The following PABPC4 variants were observed in gnomAD, a reference collection of about 807,000 sequenced individuals.
PABPC4 encodes polyadenylate-binding protein 4.
A neutral mutation model predicts 74.5 loss-of-function variants in PABPC4; 15 were observed. That is an observed-to-expected ratio of 0.20 (90% CI 0.13 to 0.31). The LOEUF (loss-of-function observed/expected upper bound fraction) is 0.31, where lower values mean the gene tolerates loss of function less well. PABPC4 is among the 10% of genes least tolerant of loss of function. PABPC4 has a pLI of 1.00. For missense variants in PABPC4, 610 were observed against 853.5 expected (o/e 0.71, Z 3.55); for synonymous variants, 345 against 303.0 (o/e 1.14, Z -1.44).
rs990568994 is a variant in PABPC4, at chr1:39,560,947, C to A, written c.*189G>T. ...ACACTGTCTGGGCCACAGCAGAACCCAAAGAACATATTCGTATAATTGAAA... is the reference window on the plus strand; with the variant it reads ...ACACTGTCTGGGCCACAGCAGAACCAAAAGAACATATTCGTATAATTGAAA... On this transcript the variant is annotated 3_prime_UTR_variant, in exon 16 of 16. Coordinates refer to ENST00000372858, the MANE Select transcript of PABPC4 (RefSeq NM_001135653.2). 2.7e-5 allele frequency: 8 copies of A among 295,820 alleles called. No homozygotes were observed. The highest frequency in any genetic ancestry group is 4.2e-5 in the Non-Finnish European group (6 of 141,994). 18.3% of individuals were successfully genotyped at this position (295,820 alleles called of 1,614,324 possible). A position where few individuals can be genotyped will look rare whatever the true frequency, so the allele number is the denominator to read the frequency against.
At chr1:39,574,670 C>T (rs1348270226) in intron 1 of PABPC4, among the ~76,000 whole-genome samples, 1 of 152,232 alleles carries the variant, frequency 6.6e-6, no homozygotes, top group Non-Finnish European at 1.5e-5. Flanking sequence ...TGGTCTCAGC[C>T]GCAACCTGGG....
chr1:39,569,057 C>T lies in PABPC4; in HGVS notation c.739-118G>A, dbSNP rs570059585. The T allele has an allele frequency of 5.7e-6, 6 of 1,050,858 alleles. No homozygotes were observed. In the South Asian group the frequency reaches 6.3e-5, roughly 11 times the overall value. 65.1% of individuals were successfully genotyped at this position (1,050,858 alleles called of 1,614,324 possible). A position where few individuals can be genotyped will look rare whatever the true frequency, so the allele number is the denominator to read the frequency against. The stretch of plus-strand genomic sequence containing the variant: ...GGACTAAAAACTAAATTCACTCCAC[C>T]TCTGAAGTCTGTCACACAAATCCAA... On this transcript the variant is annotated intron_variant, in intron 5 of 15. Transcript: ENST00000372858.
At chr1:39,565,039 C>A in intron 8 of PABPC4, 67 bp downstream of exon 8, 1 of 1,547,244 alleles carries the variant, frequency 6.5e-7, no homozygotes, top group Non-Finnish European at 8.9e-7. Context: ...AAATCCCTCT[C>A]CCCAACCACT....
Position 39,564,670 on chromosome 1 carries a change from G to C in PABPC4, c.1333+16C>G, listed in dbSNP as rs375399915. On this transcript the variant is annotated intron_variant, in intron 9 of 15. Transcript: ENST00000372858. ...GGTATATCCTGGGCTGTCAATTACT[G>C]TTCCCCACCACCTACCTTGAGGTCT... 2 of 1,612,964 alleles carry C rather than the reference G, an allele frequency of 1.2e-6. No homozygotes were observed. Among genetic ancestry groups the C allele is most frequent in the Non-Finnish European group, 1.7e-6 (2 of 1,178,976 alleles).
chr1:39,566,882 T>C (rs1266089893), intron 7 of PABPC4, among the ~76,000 whole-genome samples: 1 of 152,222 alleles, frequency 6.6e-6, no homozygotes. Flanking sequence ...AGTTGGCCTC[T>C]GGCCAACTCC....
chr1:39,568,095 A>C, intron 6 of PABPC4: 1 of 295,064 alleles, frequency 3.4e-6, no homozygotes, highest in Non-Finnish European at 6.3e-6. Context: ...GTCTCTACTA[A>C]AAATACAAAA....
intron 1 of PABPC4, among the ~76,000 whole-genome samples, chr1:39,575,551 G>A (rs534026648): frequency 6.6e-6 from 1 of 152,280 alleles, no homozygotes; most frequent in Non-Finnish European, 1.5e-5. Context: ...AGTAGCCCAA[G>A]GTCACCCAGT....
In PABPC4 at chr1:39,575,953, T is replaced by TCCCCCCCCCCCCCCACC; in HGVS notation, c.-3_-2insGGTGGGGGGGGGGGGGG. 6.4e-7 allele frequency: 1 copy of TCCCCCCCCCCCCCCACC among 1,559,076 alleles called. No individual in the cohort carries two copies. The highest frequency in any genetic ancestry group is 8.7e-7 in the Non-Finnish European group (1 of 1,149,568). ...GTAGCTGCTGGCCGCAGCGTTCATC[T>TCCCCCCCCCCCCCCACC]CCCCGCCCCCCACCACCCCGAGCCC... On this transcript the variant is annotated 5_prime_UTR_variant, in exon 1 of 16. Transcript: ENST00000372858.
Position 39,564,407 on chromosome 1 carries a change from A to C in PABPC4, c.1453+16T>G, listed in dbSNP as rs778601481. Reference sequence around the variant, plus strand: ...CCTCCTCCCCAGGCCACACTTCTAAAGGCCAGTTTGCTCACCGACTCTCTG... The same window carrying C: ...CCTCCTCCCCAGGCCACACTTCTAACGGCCAGTTTGCTCACCGACTCTCTG... On this transcript the variant is annotated intron_variant, in intron 10 of 15. Coordinates refer to ENST00000372858, the MANE Select transcript of PABPC4 (RefSeq NM_001135653.2). 3.1e-6 allele frequency: 5 copies of C among 1,612,480 alleles called. No homozygotes were observed. Among genetic ancestry groups the C allele is most frequent in the East Asian group, 2.2e-5 (1 of 44,850 alleles).
chr1:39,574,291 G>A (rs1363240026), intron 1 of PABPC4, among the ~76,000 whole-genome samples: 1 of 152,086 alleles, frequency 6.6e-6, no homozygotes, highest in Non-Finnish European at 1.5e-5. Flanking sequence ...AGCTGGGATC[G>A]CAAACTATTT....
At chr1:39,570,152 C>G in intron 3 of PABPC4, 150 bp from the exon 4 acceptor site, 1 of 747,002 alleles carries the variant, frequency 1.3e-6, no homozygotes. Context: ...TACCCCAAGT[C>G]CCCAGCAGAA....
At chr1:39,564,141 C>T in intron 10 of PABPC4, 1 of 612,700 alleles carries the variant, frequency 1.6e-6, no homozygotes, top group South Asian at 2.0e-5. Context: ...CCTCACCCCA[C>T]CCAAAAGAAC....
Position 39,561,687 on chromosome 1 carries a change from T to C in PABPC4, c.*11A>G, listed in dbSNP as rs1213970265. 5.6e-6 allele frequency: 9 copies of C among 1,607,240 alleles called. No individual in the cohort carries two copies. The highest frequency in any genetic ancestry group is 1.7e-5 in the Admixed American group (1 of 59,876). On this transcript the variant is annotated splice_region_variant and 3_prime_UTR_variant, in exon 15 of 16. Coordinates refer to ENST00000372858, the MANE Select transcript of PABPC4 (RefSeq NM_001135653.2). ...AAAATGAAAATAGCCACACATACGG[T>C]TTTTCCTTGTCTAAGAGGTAGCAGC...
At chr1:39,565,022 T>C (rs371657954) in intron 8 of PABPC4, 84 bp downstream of exon 8, 3 of 1,435,826 alleles carry the variant, frequency 2.1e-6, no homozygotes, top group South Asian at 1.2e-5. Context: ...AGAACTCTAA[T>C]AACGAAAAAT....
In PABPC4 at chr1:39,572,453, A is replaced by C; in HGVS notation, c.327T>G (p.Ser109=). ...TATCATAAAGTGCCTTGTTATCTAT[A>C]GATTTGTCCAGGTTCTTGATGAAGA... ...GNVFIKNLDK[S]IDNKALYDTF... Residue 109 remains serine, a synonymous_variant, in exon 2 of 16, where the codon TCT becomes TCG. Coordinates refer to ENST00000372858, the MANE Select transcript of PABPC4 (RefSeq NM_001135653.2). 1 of 1,614,124 alleles carries C rather than the reference A, an allele frequency of 6.2e-7. No individual in the cohort carries two copies. The highest frequency in any genetic ancestry group is 1.7e-5 in the Admixed American group (1 of 60,026).
rs757943913 is a variant in PABPC4 at position 39,561,837 on chromosome 1, C to A, written c.1894-50G>T. ...GTGAATCTAGGAGAGCTACTCCACC[C>A]CTCCCCAGTGCCCAGACCTAGTGGT... is the stretch of plus-strand genomic sequence containing the variant. On this transcript the variant is annotated intron_variant, in intron 14 of 15. Transcript: ENST00000372858. 5 of 1,500,348 alleles carry A rather than the reference C, an allele frequency of 3.3e-6. No individual in the cohort carries two copies. The South Asian group carries it at 5.7e-5, about 17-fold the overall frequency. 92.9% of individuals were successfully genotyped at this position (1,500,348 alleles called of 1,614,324 possible).
chr1:39,575,876 T>C lies in PABPC4; in HGVS notation c.76A>G (p.Met26Val). 1 of 1,612,432 alleles carries C rather than the reference T, an allele frequency of 6.2e-7. No homozygotes were observed. The highest frequency in any genetic ancestry group is 8.5e-7 in the Non-Finnish European group (1 of 1,179,568). The change falls in exon 1 of 16, where the codon ATG becomes GTG. Residue 26 changes from methionine (M) to valine (V), a missense_variant. By Grantham distance (21) the Met-to-Val change is conservative. This residue lies in a region of PABPC4 where 304 missense variants were observed against 478.9 expected (regional missense o/e 0.63). Transcript: ENST00000372858. ...GDLHSDVTEA[M>V]LYEKFSPAGP... is the part of the protein sequence containing the mutation. Reference sequence around the variant, plus strand: ...GCGGGGCTGAACTTTTCGTACAGCATGGCCTCGGTGACGTCCGAATGCAGG... The same window carrying C: ...GCGGGGCTGAACTTTTCGTACAGCACGGCCTCGGTGACGTCCGAATGCAGG...
intron 1 of PABPC4, among the ~76,000 whole-genome samples, chr1:39,574,739 C>G (rs1485774896): frequency 1.3e-5 from 2 of 152,260 alleles, no homozygotes; most frequent in Admixed American, 6.5e-5. Flanking sequence ...AACTAGGGAC[C>G]TGGAGATGCT....
chr1:39,573,898 G>C (rs561817194), intron 1 of PABPC4, among the ~76,000 whole-genome samples: 1 of 152,052 alleles, frequency 6.6e-6, no homozygotes, highest in Non-Finnish European at 1.5e-5. Flanking sequence ...ATCACTAATC[G>C]CAACAAGGAT....
Sources: allele counts gnomAD v4.1 joint callset (sites outside exome capture counted in the v4.1 genomes callset), GRCh38; gene constraint gnomAD v4.1.1; regional missense constraint gnomAD v4.1.1; transcripts MANE v1.5; gene names NCBI Gene and HGNC (gene_info 2026-07-23, HGNC 2026-07-21).